The following RSF1 variants were observed in gnomAD, a reference collection of about 807,000 sequenced individuals.
RSF1 encodes the protein HBV pX-associated protein 8.
Under a neutral mutation model 145.2 loss-of-function variants are expected in RSF1, and 13 were observed. That is an observed-to-expected ratio of 0.09 (90% CI 0.06 to 0.14). The LOEUF (loss-of-function observed/expected upper bound fraction) is 0.14. RSF1 is among the 10% of genes least tolerant of loss of function. RSF1 has a pLI of 1.00. For missense variants in RSF1, 1,517 were observed against 1,718.2 expected (o/e 0.88, Z 2.07); for synonymous variants, 577 against 592.6 (o/e 0.97, Z 0.38).
chr11:77,837,805 C>T, the RSF1 span, among the ~76,000 whole-genome samples: 1 of 152,068 alleles, frequency 6.6e-6, no homozygotes, highest in Non-Finnish European at 1.5e-5. Context: ...GCCTATAATG[C>T]AAGCACTTGG....
chr11:77,750,608 T>C (rs540976369), intron 2 of RSF1, among the ~76,000 whole-genome samples: 1 of 152,336 alleles, frequency 6.6e-6, no homozygotes, highest in East Asian at 1.9e-4. Flanking sequence ...TATCAGAGAC[T>C]GTCTATAACG....
chr11:77,792,515 C>G (rs900796872), intron 1 of RSF1, among the ~76,000 whole-genome samples: 1 of 152,204 alleles, frequency 6.6e-6, no homozygotes, highest in Non-Finnish European at 1.5e-5. Context: ...AATCCCACCA[C>G]TGGGGACAGA....
chr11:77,868,745 G>A, the RSF1 span: 74 of 232,258 alleles, frequency 3.2e-4, no homozygotes, highest in African/African-American at 1.6e-3. Context: ...ATAGGCTCCA[G>A]CAACTCAGGC....
chr11:77,817,135 C>T (rs1477735810), intron 1 of RSF1, among the ~76,000 whole-genome samples: 1 of 152,200 alleles, frequency 6.6e-6, no homozygotes, highest in African/African-American at 2.4e-5. Context: ...CCCTCAGTAT[C>T]TCAGTAATTT....
the RSF1 span, chr11:77,842,591 G>T: frequency 1.2e-6 from 2 of 1,614,026 alleles, no homozygotes; most frequent in Non-Finnish European, 1.7e-6. Context: ...TGGCCAGGGG[G>T]TAGTCGGACT....
chr11:77,825,036 A>C (rs1383920610), upstream of RSF1, among the ~76,000 whole-genome samples: 1 of 152,132 alleles, frequency 6.6e-6, no homozygotes, highest in African/African-American at 2.4e-5. Context: ...GCTAGAGTGC[A>C]GTGACGCGAT....
chr11:77,743,139 T>C (rs912119252), intron 3 of RSF1, among the ~76,000 whole-genome samples: 2 of 152,224 alleles, frequency 1.3e-5, no homozygotes, highest in Non-Finnish European at 2.9e-5. Context: ...TTCTGATTAC[T>C]ATAACTCAGT....
chr11:77,668,281 C>T (rs1393153073), intron 15 of RSF1, among the ~76,000 whole-genome samples: 2 of 152,202 alleles, frequency 1.3e-5, no homozygotes, highest in Non-Finnish European at 2.9e-5. Context: ...GGATTATAGG[C>T]GTAAGCCACT....
At chr11:77,754,793 C>T (rs543427445) in intron 2 of RSF1, among the ~76,000 whole-genome samples, 1 of 151,484 alleles carries the variant, frequency 6.6e-6, no homozygotes, top group South Asian at 2.1e-4. Flanking sequence ...CAGAATTAGC[C>T]AGGTATGGTG....
At chr11:77,724,471 G>A (rs1459863619) in intron 5 of RSF1, among the ~76,000 whole-genome samples, 1 of 152,184 alleles carries the variant, frequency 6.6e-6, no homozygotes, top group Non-Finnish European at 1.5e-5. Context: ...AGAAATTCAA[G>A]TGCCCACTGA....
chr11:77,846,505 G>A, the RSF1 span, among the ~76,000 whole-genome samples: 1 of 152,138 alleles, frequency 6.6e-6, no homozygotes, highest in African/African-American at 2.4e-5. Context: ...TCAGGAGTTC[G>A]AGAGCAGCCT....
the RSF1 span, among the ~76,000 whole-genome samples, chr11:77,834,384 G>A: frequency 1.3e-5 from 2 of 151,512 alleles, no homozygotes; most frequent in Admixed American, 6.6e-5. Flanking sequence ...AAACTGAGAA[G>A]GGCATGAGGA....
chr11:77,842,662 G>C, the RSF1 span: 1 of 1,604,108 alleles, frequency 6.2e-7, no homozygotes, highest in Non-Finnish European at 8.5e-7. Flanking sequence ...TACTACATGA[G>C]GCTGACCAAG....
At chr11:77,803,317 T>C (rs1437038483) in intron 1 of RSF1, among the ~76,000 whole-genome samples, 1 of 151,986 alleles carries the variant, frequency 6.6e-6, no homozygotes, top group Non-Finnish European at 1.5e-5. Flanking sequence ...CCAGCTAATT[T>C]TTTTATTTTT....
intron 1 of RSF1, among the ~76,000 whole-genome samples, chr11:77,790,919 T>C (rs991648990): frequency 1.3e-5 from 2 of 152,208 alleles, no homozygotes; most frequent in African/African-American, 4.8e-5. Context: ...GTTGACTGTC[T>C]GCGGCTTTTC....
the RSF1 span, chr11:77,869,633 AT>A: frequency 1.4e-5 from 18 of 1,285,722 alleles, no homozygotes; most frequent in Admixed American, 3.1e-4. Flanking sequence ...CTCAGTAGAC[AT>A]TTCTTGAATG....
intron 4 of RSF1, among the ~76,000 whole-genome samples, chr11:77,728,186 C>G (rs1054558695): frequency 6.6e-6 from 1 of 152,210 alleles, no homozygotes; most frequent in African/African-American, 2.4e-5. Flanking sequence ...TATCGGGTGA[C>G]TGACTGCACT....
intron 12 of RSF1, 121 bp downstream of exon 12, chr11:77,677,965 G>A: frequency 1.4e-6 from 1 of 704,794 alleles, no homozygotes; most frequent in South Asian, 1.7e-5. Flanking sequence ...ACTAACATCA[G>A]TACTAATCAT....
chr11:77,680,141 A>G (rs958579665), intron 11 of RSF1, among the ~76,000 whole-genome samples: 2 of 152,148 alleles, frequency 1.3e-5, no homozygotes, highest in African/African-American at 4.8e-5. Context: ...TGGATTAACA[A>G]CAGCATCAAA....
Sources: gnomAD v4.1 joint callset for allele counts (sites outside exome capture counted in the v4.1 genomes callset) on GRCh38, gnomAD v4.1.1 for gene constraint, MANE v1.5 for transcripts, NCBI Gene and HGNC (gene_info 2026-07-23, HGNC 2026-07-21) for gene names.